Variants in TMEM178B observed in about 807,000 individuals in gnomAD.
TMEM178B encodes the protein transmembrane protein 178B.
Under a neutral mutation model 31.0 loss-of-function variants are expected in TMEM178B, and 5 were observed. The ratio of observed to expected loss-of-function variants is 0.16; its 90% CI spans 0.08 to 0.34. The LOEUF (loss-of-function observed/expected upper bound fraction) is 0.34. TMEM178B is among the 10% of genes least tolerant of loss of function. The pLI is 1.00. For missense variants in TMEM178B, 275 were observed against 400.3 expected, an observed-to-expected ratio of 0.69 and a Z score of 2.67; for synonymous variants, 164 against 164.0, an observed-to-expected ratio of 1.00 and a Z score of 0.00.
the TMEM178B span, among the ~76,000 whole-genome samples, chr7:141,491,431 C>T: frequency 6.8e-3 from 1,034 of 152,222 alleles, 4 homozygotes; most frequent in Non-Finnish European, 0.011. Context: ...CTTTTATTTG[C>T]TCTCTCTAGA....
At chr7:141,396,256 C>G (rs528180681) in intron 2 of TMEM178B, among the ~76,000 whole-genome samples, 1 of 152,290 alleles carries the variant, frequency 6.6e-6, no homozygotes, top group South Asian at 2.1e-4. Flanking sequence ...CGTGCCTCCC[C>G]TCCCAGGAGT....
chr7:141,404,192 C>G (rs944881205), intron 2 of TMEM178B, among the ~76,000 whole-genome samples: 2 of 152,176 alleles, frequency 1.3e-5, no homozygotes, highest in Admixed American at 6.5e-5. Flanking sequence ...GTAGTCCCAG[C>G]TACTCAGGTG....
At chr7:141,234,211 T>C (rs1797492084) in intron 2 of TMEM178B, among the ~76,000 whole-genome samples, 1 of 152,194 alleles carries the variant, frequency 6.6e-6, no homozygotes, top group Non-Finnish European at 1.5e-5. Context: ...AAAGTGTCTA[T>C]ATTCATAAAC....
At chr7:141,282,193 G>A (rs1029449429) in intron 2 of TMEM178B, among the ~76,000 whole-genome samples, 1 of 152,128 alleles carries the variant, frequency 6.6e-6, no homozygotes, top group Admixed American at 6.5e-5. Flanking sequence ...GGAAATAGGA[G>A]GAAAATCCGT....
chr7:141,333,803 A>G (rs1467147856), intron 2 of TMEM178B, among the ~76,000 whole-genome samples: 2 of 152,212 alleles, frequency 1.3e-5, no homozygotes, highest in Non-Finnish European at 2.9e-5. Flanking sequence ...TCCACCTCAG[A>G]TCATCAGGTA....
chr7:141,252,636 C>A (rs1049936375), intron 2 of TMEM178B, among the ~76,000 whole-genome samples: 4 of 152,170 alleles, frequency 2.6e-5, no homozygotes, highest in African/African-American at 9.7e-5. Flanking sequence ...CCTTGTGATA[C>A]CTGTAGTAGC....
At chr7:141,398,764 G>A (rs989207614) in intron 2 of TMEM178B, among the ~76,000 whole-genome samples, 18 of 152,226 alleles carry the variant, frequency 1.2e-4, no homozygotes, top group Non-Finnish European at 2.1e-4. Flanking sequence ...GATTCAGGTA[G>A]CTCTTGCCCA....
At chr7:141,361,403 A>G (rs1341052188) in intron 2 of TMEM178B, among the ~76,000 whole-genome samples, 2 of 152,190 alleles carry the variant, frequency 1.3e-5, no homozygotes, top group Admixed American at 6.5e-5. Flanking sequence ...CAATTTCTCT[A>G]TGTCCAAGCA....
intron 2 of TMEM178B, among the ~76,000 whole-genome samples, chr7:141,355,440 G>A (rs916127201): frequency 1.3e-5 from 2 of 152,174 alleles, no homozygotes; most frequent in African/African-American, 4.8e-5. Context: ...GAGATGCAGA[G>A]CAGATGAAAA....
chr7:141,408,385 T>C lies in TMEM178B; in HGVS notation c.497-29223T>C, dbSNP rs563836986. Among the ~76,000 whole-genome samples, 9 of 152,298 alleles carry C rather than the reference T, an allele frequency of 5.9e-5. No individual in the cohort carries two copies. In the South Asian group the frequency reaches 1.9e-3, roughly 32 times the overall value. On this transcript the variant is annotated intron_variant, in intron 2 of 3. Coordinates refer to ENST00000565468, the MANE Select transcript of TMEM178B (RefSeq NM_001195278.2). ...AAGCACTGTATTAGAGTAGTACGTC[T>C]CAATCCAGAGAGTTTGTGAAAAAAG...
chr7:141,440,400 T>C (rs1801635831), intron 3 of TMEM178B, among the ~76,000 whole-genome samples: 1 of 152,208 alleles, frequency 6.6e-6, no homozygotes, highest in Non-Finnish European at 1.5e-5. Flanking sequence ...CTTCTGGGGA[T>C]GATCTTAATG....
intron 2 of TMEM178B, among the ~76,000 whole-genome samples, chr7:141,321,545 C>G (rs952698906): frequency 1.3e-5 from 2 of 152,314 alleles, no homozygotes; most frequent in Middle Eastern, 3.4e-3. Context: ...CTCCTTCTCA[C>G]CTTTTCTCTT....
chr7:141,482,770 A>T (rs916203085), downstream of TMEM178B, among the ~76,000 whole-genome samples: 18 of 152,308 alleles, frequency 1.2e-4, no homozygotes, highest in Non-Finnish European at 1.8e-4. Context: ...GACCAGAAGC[A>T]AGTGTCCAGT....
At chr7:141,310,914 C>T (rs926048227) in intron 2 of TMEM178B, among the ~76,000 whole-genome samples, 1 of 152,130 alleles carries the variant, frequency 6.6e-6, no homozygotes, top group Non-Finnish European at 1.5e-5. Context: ...GCCCATCAAT[C>T]ATAGACCAGA....
chr7:141,187,340 G>A (rs200691312), intron 1 of TMEM178B, among the ~76,000 whole-genome samples: 8 of 151,892 alleles, frequency 5.3e-5, no homozygotes, highest in African/African-American at 1.4e-4. Flanking sequence ...CCAGTCTATC[G>A]TTATTGGACA....
At chr7:141,356,151 G>A (rs1799814353) in intron 2 of TMEM178B, among the ~76,000 whole-genome samples, 1 of 152,158 alleles carries the variant, frequency 6.6e-6, no homozygotes, top group Non-Finnish European at 1.5e-5. Context: ...CCATGTCATT[G>A]CTATTGTGAA....
intron 2 of TMEM178B, among the ~76,000 whole-genome samples, chr7:141,262,342 T>A (rs1409692293): frequency 6.6e-6 from 1 of 151,994 alleles, no homozygotes; most frequent in African/African-American, 2.4e-5. Flanking sequence ...CTGACACAGA[T>A]ATTTGGGCCG....
intron 2 of TMEM178B, among the ~76,000 whole-genome samples, chr7:141,259,344 TA>T (rs1797978627): frequency 6.6e-6 from 1 of 152,222 alleles, no homozygotes; most frequent in South Asian, 2.1e-4. Flanking sequence ...TGTCATACTT[TA>T]AAAATTCATT....
intron 2 of TMEM178B, among the ~76,000 whole-genome samples, chr7:141,305,681 C>G (rs975763436): frequency 5.3e-5 from 8 of 152,086 alleles, no homozygotes; most frequent in Admixed American, 5.2e-4. Flanking sequence ...GTGATCCGCC[C>G]ACCTTGGCCT....
Sources: allele counts gnomAD v4.1 joint callset (sites outside exome capture counted in the v4.1 genomes callset), GRCh38; gene constraint gnomAD v4.1.1; transcripts MANE v1.5; gene names NCBI Gene and HGNC (gene_info 2026-07-23, HGNC 2026-07-21).